SBF1: variants seen among roughly 807,000 people sequenced by gnomAD.
SBF1 encodes the protein SET binding factor 1, also known as myotubularin-related protein 5.
In SBF1, 65 loss-of-function variants were observed where a neutral mutation model predicts 215.8. The observed-to-expected ratio is 0.30, with a 90% confidence interval of 0.25 to 0.37. The LOEUF is 0.37. Ranked by LOEUF, SBF1 falls within the 10% of genes least tolerant of loss-of-function variation. SBF1 has a pLI of 1.00. For missense variants in SBF1, 2,634 were observed against 2,667.8 expected, an observed-to-expected ratio of 0.99 and a Z score of 0.28; for synonymous variants, 1,410 against 1,122.8, an observed-to-expected ratio of 1.26 and a Z score of -5.11.
chr22:50,465,920 A>T (rs761500045), intron 9 of SBF1, 41 bp downstream of exon 9: 15 of 1,610,706 alleles, frequency 9.3e-6, no homozygotes, highest in Non-Finnish European at 1.2e-5. Context: ...GCCACATCCC[A>T]AAGGCCCCCA....
At position 50,462,090 on chromosome 22, in the gene SBF1, T is replaced by C. The variant is rs1243354363; in HGVS notation, c.2426A>G (p.Asp809Gly). 2 of 1,613,864 alleles carry C rather than the reference T, an allele frequency of 1.2e-6. No individual in the cohort carries two copies. The highest frequency in any genetic ancestry group is 3.3e-5 in the Admixed American group (2 of 60,026). The change falls in exon 20 of 41, where the codon GAC (aspartate) becomes GGC (glycine). Residue 809 changes from aspartate (D) to glycine (G), a missense_variant. Physicochemically the swap from Asp to Gly is moderately conservative, Grantham distance 94. Transcript: ENST00000380817. ...SMAGSVAESY[D>G]TESGFEDAET... ...TGCATCCTCGAAGCCGCTCTCCGTGTCATAGCTCTCGGCCACACTGCCAGC... is the reference window on the plus strand; with the variant it reads ...TGCATCCTCGAAGCCGCTCTCCGTGCCATAGCTCTCGGCCACACTGCCAGC...
Position 50,464,923 on chromosome 22 carries a change from G to C in SBF1, c.1333-6C>G, listed in dbSNP as rs781476014. The C allele has an allele frequency of 5.8e-5, 93 of 1,613,612 alleles. No homozygotes were observed. Among genetic ancestry groups the C allele is most frequent in the Non-Finnish European group, 7.5e-5 (88 of 1,180,006 alleles). ...GCCACCTCGTGGGCCACCAGCTAGC[G>C]GGGTAAGCAGGAGGTTAGGTAAGCC... is the stretch of plus-strand genomic sequence containing the variant. On this transcript the variant is annotated splice_region_variant and splice_polypyrimidine_tract_variant and intron_variant, in intron 12 of 40. Coordinates refer to ENST00000380817, the MANE Select transcript of SBF1 (RefSeq NM_002972.4).
chr22:50,449,323 G>C (rs1341737495), intron 36 of SBF1, among the ~76,000 whole-genome samples: 1 of 150,194 alleles, frequency 6.7e-6, no homozygotes, highest in Non-Finnish European at 1.5e-5. Flanking sequence ...AAATTCAAGA[G>C]AGTGATTTTA....
chr22:50,463,556 G>T, intron 15 of SBF1, 124 bp from the exon 16 acceptor site: 1 of 1,106,652 alleles, frequency 9.0e-7, no homozygotes, highest in South Asian at 1.7e-5. Context: ...GCCAGACTCT[G>T]GGGCTTTGCC....
intron 36 of SBF1, among the ~76,000 whole-genome samples, chr22:50,453,921 C>T (rs973514130): frequency 5.9e-5 from 9 of 152,136 alleles, no homozygotes; most frequent in Non-Finnish European, 1.2e-4. Flanking sequence ...CGGGATGGCC[C>T]CAAAAGGTAG....
At chr22:50,462,835 G>A (rs1269080531) in intron 17 of SBF1, 35 bp downstream of exon 17, 2 of 1,612,130 alleles carry the variant, frequency 1.2e-6, no homozygotes, top group Non-Finnish European at 1.7e-6. Context: ...GGAAGGGGGG[G>A]CTGGGAAGGA....
chr22:50,464,573 C>A lies in SBF1; in HGVS notation c.1597G>T (p.Ala533Ser). Residue 533 changes from alanine to serine, a missense_variant, in exon 14 of 41, where the codon GCC (alanine) becomes TCC (serine). Physicochemically the swap from Ala to Ser is moderately conservative, Grantham distance 99. Coordinates refer to ENST00000380817, the MANE Select transcript of SBF1 (RefSeq NM_002972.4). ...KMQGAPPAVK[A>S]ERRTTVPSGP... ...GAGGGCACGGTGGTCCTCCTCTCGG[C>A]CTTCACAGCTGGGGGTGCACCCTGC... is the stretch of plus-strand genomic sequence containing the variant. 1 of 1,612,110 alleles carries A rather than the reference C, an allele frequency of 6.2e-7. No homozygotes were observed. Among genetic ancestry groups the A allele is most frequent in the African/African-American group, 1.3e-5 (1 of 75,046 alleles).
In SBF1 at chr22:50,447,511, T is replaced by G. The variant is rs759025405; in HGVS notation, c.5451+11A>C. 7.5e-7 allele frequency: 1 copy of G among 1,328,066 alleles called. No individual in the cohort carries two copies. Among genetic ancestry groups the G allele is most frequent in the South Asian group, 1.2e-5 (1 of 85,106 alleles). 82.3% of individuals were successfully genotyped at this position (1,328,066 alleles called of 1,614,324 possible). On this transcript the variant is annotated intron_variant, in intron 39 of 40. Transcript: ENST00000380817. ...TCCCCCGTGAGTCCCCCCCACCACC[T>G]GATCACTCACCTGGTGCTTGGTCTT...
rs2076713 is a variant in SBF1 at position 50,456,420 on chromosome 22, G to A, written c.4087-25C>T. Reference sequence around the variant, plus strand: ...CCTGAAAAGAATCCGGACAAGTCCCGTGAGACACATGAGGCCCCAAGCCCC... The same window carrying A: ...CCTGAAAAGAATCCGGACAAGTCCCATGAGACACATGAGGCCCCAAGCCCC... On this transcript the variant is annotated intron_variant, in intron 30 of 40. Transcript: ENST00000380817. 0.13 allele frequency: 209,022 copies of A among 1,606,974 alleles called. 15,171 individuals carry two copies. Among genetic ancestry groups the A allele is most frequent in the East Asian group, 0.31 (13,683 of 44,722 alleles).
rs1479817137 is a variant in SBF1, at chr22:50,474,961, G to A, written c.-121C>T. ...CGCGCACCCCGGACACCCCTGGTTC[G>A]CTCCGCGGCGGCGGCGGCGGCGGCG... On this transcript the variant is annotated 5_prime_UTR_variant, in exon 1 of 41. It introduces an in-frame stop codon into an upstream open reading frame of the 5' UTR. Transcript: ENST00000380817. 2 of 522,602 alleles carry A rather than the reference G, an allele frequency of 3.8e-6. No homozygotes were observed. The highest frequency in any genetic ancestry group is 4.9e-6 in the Non-Finnish European group (2 of 410,516). The allele number at this position is 522,602 out of a possible 1,614,324, so 32.4% of individuals were successfully genotyped here.
At chr22:50,447,492 G>A (rs370537453) in intron 39 of SBF1, 30 bp downstream of exon 39, 109 of 1,372,104 alleles carry the variant, frequency 7.9e-5, no homozygotes, top group Middle Eastern at 3.6e-4. Context: ...CCCCTCCCCC[G>A]TGAGTCCCCC....
chr22:50,448,775 A>AG, intron 36 of SBF1, 125 bp from the exon 37 acceptor site: 1 of 684,438 alleles, frequency 1.5e-6, no homozygotes, highest in Non-Finnish European at 2.5e-6. Flanking sequence ...GACTGGCCAC[A>AG]GGGGGAGGTG....
chr22:50,447,947 CAGGT>C (rs1165697004), intron 38 of SBF1, among the ~76,000 whole-genome samples: 1 of 152,232 alleles, frequency 6.6e-6, no homozygotes. Flanking sequence ...GATGGCCAGG[CAGGT>C]AGATCTGTAG....
chr22:50,459,755 G>A, intron 26 of SBF1, 89 bp from the exon 27 acceptor site: 1 of 1,417,720 alleles, frequency 7.1e-7, no homozygotes, highest in Non-Finnish European at 9.4e-7. Flanking sequence ...GCCAGCCCAT[G>A]GCTCCCAGCA....
At position 50,470,488 on chromosome 22, in the gene SBF1, T is replaced by C. The variant is rs144218823; in HGVS notation, c.56-2027A>G. Among the ~76,000 whole-genome samples the C allele has an allele frequency of 1.4e-3, 211 of 152,186 alleles. 2 individuals carry two copies. Among genetic ancestry groups the C allele is most frequent in the African/African-American group, 5.0e-3 (207 of 41,540 alleles). On this transcript the variant is annotated intron_variant, in intron 1 of 40. Coordinates refer to ENST00000380817, the MANE Select transcript of SBF1 (RefSeq NM_002972.4). ...CTCCACTCTCCTTGGGCTGGCCCAA[T>C]GGCCCAAGTGGGCCAGGCCAAGCAG...
Position 50,446,530 on chromosome 22 carries a change from TGG to T in SBF1, c.*610_*611del. 1 of 269,570 alleles carries T rather than the reference TGG, an allele frequency of 3.7e-6. No individual in the cohort carries two copies. Among genetic ancestry groups the T allele is most frequent in the South Asian group, 3.6e-5 (1 of 27,438 alleles). 16.7% of individuals were successfully genotyped at this position (269,570 alleles called of 1,614,324 possible). A position where few individuals can be genotyped will look rare whatever the true frequency, so the allele number is the denominator to read the frequency against. On this transcript the variant is annotated 3_prime_UTR_variant, in exon 41 of 41. Coordinates refer to ENST00000380817, the MANE Select transcript of SBF1 (RefSeq NM_002972.4). ...AGCTTCTGCATCCCCTGGGTAGGGA[TGG>T]GGGCTTCCTCTCCAGCCGTGCCGGC... is the stretch of plus-strand genomic sequence containing the variant.
At chr22:50,472,865 G>T (rs1323487500) in intron 1 of SBF1, among the ~76,000 whole-genome samples, 3 of 152,228 alleles carry the variant, frequency 2.0e-5, no homozygotes, top group African/African-American at 7.2e-5. Flanking sequence ...TGCAAGGCCA[G>T]CAAGCAGCTG....
intron 36 of SBF1, among the ~76,000 whole-genome samples, chr22:50,451,155 C>T (rs2067028889): frequency 2.6e-5 from 3 of 114,260 alleles, no homozygotes; most frequent in African/African-American, 1.1e-4. Context: ...CATAGGGAGA[C>T]CCCATCTCTA....
chr22:50,471,873 CAGG>C (rs1470410105), intron 1 of SBF1, among the ~76,000 whole-genome samples: 1 of 152,192 alleles, frequency 6.6e-6, no homozygotes, highest in Non-Finnish European at 1.5e-5. Flanking sequence ...ACATCACAGT[CAGG>C]AGGAGAGGCG....
Sources: gnomAD v4.1 joint callset for allele counts (sites outside exome capture counted in the v4.1 genomes callset) on GRCh38, gnomAD v4.1.1 for gene constraint, MANE v1.5 for transcripts, NCBI Gene and HGNC (gene_info 2026-07-23, HGNC 2026-07-21) for gene names.